ECT2L: variants seen among roughly 807,000 people sequenced by gnomAD.
ECT2L encodes epithelial cell transforming 2 like, also known as epithelial cell-transforming sequence 2 oncogene-like.
In ECT2L, 126 loss-of-function variants were observed where a neutral mutation model predicts 122.8. That is an observed-to-expected ratio of 1.03 (90% CI 0.89 to 1.19). The LOEUF (loss-of-function observed/expected upper bound fraction) is 1.19. ECT2L is among the 50% of genes most tolerant of loss of function. The pLI is 0.00. For synonymous variants in ECT2L, 385 were observed against 381.8 expected, an observed-to-expected ratio of 1.01 and a Z score of -0.10; for missense variants, 1,012 against 1,064.1, an observed-to-expected ratio of 0.95 and a Z score of 0.68.
intron 20 of ECT2L, among the ~76,000 whole-genome samples, chr6:138,898,645 G>A (rs1035706394): frequency 4.6e-5 from 7 of 152,128 alleles, no homozygotes; most frequent in Admixed American, 4.6e-4. Flanking sequence ...TACTCAATCA[G>A]AATTTGCATT....
chr6:138,864,033 T>C (rs1342202133), intron 11 of ECT2L, among the ~76,000 whole-genome samples: 2 of 86,758 alleles, frequency 2.3e-5, no homozygotes, highest in Non-Finnish European at 4.3e-5. Flanking sequence ...AAAAAAAGCA[T>C]GTTGTGGCCG....
intron 4 of ECT2L, chr6:138,822,677 G>T: frequency 7.3e-7 from 1 of 1,376,784 alleles, no homozygotes; most frequent in Non-Finnish European, 9.9e-7. Context: ...GAACAGCTCC[G>T]GTCTACAGCT....
At chr6:138,867,882 G>A (rs1305510190) in intron 12 of ECT2L, among the ~76,000 whole-genome samples, 1 of 151,100 alleles carries the variant, frequency 6.6e-6, no homozygotes, top group Non-Finnish European at 1.5e-5. Context: ...GGTGGTGCAT[G>A]CCTATAGTCC....
intron 14 of ECT2L, chr6:138,878,852 T>G (rs1313497275): frequency 1.3e-5 from 2 of 152,424 alleles, no homozygotes; most frequent in African/African-American, 4.8e-5. Flanking sequence ...GCCACTAATT[T>G]TTTTAAAAAT....
intron 16 of ECT2L, among the ~76,000 whole-genome samples, chr6:138,884,398 G>C (rs1398192065): frequency 6.6e-6 from 1 of 152,154 alleles, no homozygotes; most frequent in Admixed American, 6.5e-5. Context: ...AGCACTTTGA[G>C]AGGCCTAGGC....
intron 10 of ECT2L, among the ~76,000 whole-genome samples, chr6:138,855,185 T>C (rs1777572602): frequency 3.3e-5 from 5 of 151,816 alleles, no homozygotes; most frequent in Admixed American, 3.3e-4. Flanking sequence ...TTTATATACA[T>C]ATATATATTT....
intron 4 of ECT2L, among the ~76,000 whole-genome samples, chr6:138,830,556 A>G (rs1431702274): frequency 6.6e-6 from 1 of 151,916 alleles, no homozygotes; most frequent in Non-Finnish European, 1.5e-5. Context: ...CCCATCCTAA[A>G]CTGGTTTTTG....
chr6:138,797,658 A>G (rs1331557564), intron 1 of ECT2L, among the ~76,000 whole-genome samples: 1 of 152,164 alleles, frequency 6.6e-6, no homozygotes, highest in Non-Finnish European at 1.5e-5. Flanking sequence ...AAAAAAACAA[A>G]AAACTTTTTT....
intron 4 of ECT2L, among the ~76,000 whole-genome samples, chr6:138,828,484 A>G (rs1276916856): frequency 6.6e-6 from 1 of 152,118 alleles, no homozygotes; most frequent in African/African-American, 2.4e-5. Context: ...GATTTTTTTC[A>G]TAAGAATACT....
In ECT2L at chr6:138,797,002, C is replaced by A. The variant is rs574003690; in HGVS notation, c.-244+810C>A. On this transcript the variant is annotated intron_variant, in intron 1 of 21. Transcript: ENST00000541398. ...AACAGTTGCATCTTGTTTGTTACAGCTTTAGTTTTATAGCTTTAAACTTAT... is the reference window on the plus strand; with the variant it reads ...AACAGTTGCATCTTGTTTGTTACAGATTTAGTTTTATAGCTTTAAACTTAT... 1.4e-4 allele frequency among the ~76,000 whole-genome samples: 21 copies of A among 152,292 alleles called. No individual in the cohort carries two copies. The South Asian group carries it at 4.3e-3, about 32-fold the overall frequency.
At chr6:138,814,335 G>A (rs1008009793) in intron 3 of ECT2L, among the ~76,000 whole-genome samples, 156 bp from the exon 4 acceptor site, 1 of 152,212 alleles carries the variant, frequency 6.6e-6, no homozygotes. Flanking sequence ...CCTGAAAGGA[G>A]AGACCTTTCT....
chr6:138,891,588 T>TC (rs35059123), intron 20 of ECT2L, among the ~76,000 whole-genome samples: 4 of 151,932 alleles, frequency 2.6e-5, no homozygotes, highest in Admixed American at 6.6e-5. Flanking sequence ...ATCTTTTGAA[T>TC]CCCCCCCATG....
At chr6:138,826,545 A>G (rs116310096) in intron 4 of ECT2L, among the ~76,000 whole-genome samples, 3,330 of 151,980 alleles carry the variant, frequency 0.022, 125 homozygotes, top group African/African-American at 0.076. Context: ...GTGTTGTGGC[A>G]GTTGTCTGTA....
At chr6:138,837,242 C>A (rs1426702978) in intron 4 of ECT2L, among the ~76,000 whole-genome samples, 2 of 152,144 alleles carry the variant, frequency 1.3e-5, no homozygotes, top group Non-Finnish European at 2.9e-5. Context: ...ACTTGTAGAT[C>A]CTTTTTCCAA....
At chr6:138,871,842 C>A (rs1406960462) in intron 13 of ECT2L, among the ~76,000 whole-genome samples, 13 of 151,980 alleles carry the variant, frequency 8.6e-5, no homozygotes, top group African/African-American at 2.2e-4. Context: ...ACAACAACAA[C>A]AAAAAACCCT....
intron 13 of ECT2L, among the ~76,000 whole-genome samples, chr6:138,873,229 T>TAA (rs67979415): frequency 2.6e-5 from 4 of 151,718 alleles, no homozygotes; most frequent in African/African-American, 9.7e-5. Context: ...GAAATTTGAT[T>TAA]AAAAAAAATC....
intron 1 of ECT2L, among the ~76,000 whole-genome samples, chr6:138,809,920 A>G (rs1775835658): frequency 6.6e-6 from 1 of 152,184 alleles, no homozygotes; most frequent in Admixed American, 6.6e-5. Flanking sequence ...ATCCAGTCTG[A>G]CAGCATGAAA....
intron 4 of ECT2L, among the ~76,000 whole-genome samples, chr6:138,830,327 T>C (rs1223916189): frequency 6.6e-6 from 1 of 152,176 alleles, no homozygotes; most frequent in Non-Finnish European, 1.5e-5. Context: ...TCTTAGGCCT[T>C]GTGGGCCCTG....
At chr6:138,893,439 G>A (rs1399760207) in intron 20 of ECT2L, among the ~76,000 whole-genome samples, 1 of 149,242 alleles carries the variant, frequency 6.7e-6, no homozygotes, top group Non-Finnish European at 1.5e-5. Flanking sequence ...TTTTTTTTGT[G>A]AGACAAGGTC....
Sources: gnomAD v4.1 joint callset for allele counts (sites outside exome capture counted in the v4.1 genomes callset) on GRCh38, gnomAD v4.1.1 for gene constraint, MANE v1.5 for transcripts, NCBI Gene and HGNC (gene_info 2026-07-23, HGNC 2026-07-21) for gene names.